The following CREB5 variants were observed in gnomAD, a reference collection of about 807,000 sequenced individuals.
The protein encoded by CREB5 is cyclic AMP-responsive element-binding protein 5.
Under a neutral mutation model 57.1 loss-of-function variants are expected in CREB5, and 19 were observed. The observed-to-expected ratio is 0.33, with a 90% CI of 0.23 to 0.49. The LOEUF is 0.49. Ranked by LOEUF, CREB5 falls within the 20% of genes least tolerant of loss-of-function variation. CREB5 has a pLI of 0.99. For synonymous variants in CREB5, 238 were observed against 238.3 expected (o/e 1.00, Z 0.01); for missense variants, 579 against 671.6 (o/e 0.86, Z 1.52).
At chr7:28,511,599 C>A (rs1425478134) in intron 4 of CREB5, among the ~76,000 whole-genome samples, 1 of 152,204 alleles carries the variant, frequency 6.6e-6, no homozygotes, top group Non-Finnish European at 1.5e-5. Flanking sequence ...ATCCTCCCAC[C>A]TCAGCCTCCC....
chr7:28,384,582 C>T (rs939980002), intron 1 of CREB5, among the ~76,000 whole-genome samples: 1 of 151,560 alleles, frequency 6.6e-6, no homozygotes, highest in East Asian at 1.9e-4. Flanking sequence ...GCAGTTACCT[C>T]TCCTAATAAA....
At chr7:28,677,555 G>C (rs1184691849) in intron 5 of CREB5, among the ~76,000 whole-genome samples, 2 of 152,194 alleles carry the variant, frequency 1.3e-5, no homozygotes, top group East Asian at 1.9e-4. Context: ...TTAATACAAA[G>C]TGAGCATACT....
In CREB5 at chr7:28,819,742, G is replaced by A. The variant is rs1471203162; in HGVS notation, c.*463G>A. 1 of 153,178 alleles carries A rather than the reference G, an allele frequency of 6.5e-6. No individual in the cohort carries two copies. The highest frequency in any genetic ancestry group is 1.9e-4 in the East Asian group (1 of 5,204). 9.5% of individuals were successfully genotyped at this position (153,178 alleles called of 1,614,324 possible). A position where few individuals can be genotyped will look rare whatever the true frequency, so the allele number is the denominator to read the frequency against. ...TTGAGTTTGTGCTGTGGTGTCACCA[G>A]AATTCCAGATAAACACACAGCCTTT... On this transcript the variant is annotated 3_prime_UTR_variant, in exon 11 of 11. Transcript: ENST00000357727.
intron 5 of CREB5, 118 bp from the exon 6 acceptor site, chr7:28,718,635 C>A: frequency 7.5e-7 from 1 of 1,337,548 alleles, no homozygotes; most frequent in Non-Finnish European, 1.0e-6. Context: ...TGTGACTCTC[C>A]CATCAGTGGA....
chr7:28,688,196 T>TA (rs774548395), intron 5 of CREB5, among the ~76,000 whole-genome samples: 9 of 152,196 alleles, frequency 5.9e-5, no homozygotes, highest in Non-Finnish European at 1.0e-4. Context: ...ACAAACATGG[T>TA]AAACTTTTTA....
intron 1 of CREB5, among the ~76,000 whole-genome samples, chr7:28,466,385 T>G (rs1027781088): frequency 1.3e-5 from 2 of 151,874 alleles, no homozygotes; most frequent in African/African-American, 4.8e-5. Context: ...GTGTTGGGGG[T>G]GGTGGAAAGC....
At chr7:28,657,760 C>T (rs113568016) in intron 5 of CREB5, among the ~76,000 whole-genome samples, 25 of 148,086 alleles carry the variant, frequency 1.7e-4, no homozygotes, top group African/African-American at 5.7e-4. Context: ...CTCCAAAGCA[C>T]TATTCTAGTC....
At chr7:28,512,587 TA>T (rs5883141) in intron 4 of CREB5, among the ~76,000 whole-genome samples, 1 of 151,902 alleles carries the variant, frequency 6.6e-6, no homozygotes, top group Non-Finnish European at 1.5e-5. Context: ...TTTAATGACT[TA>T]AAAAAGAAAT....
chr7:28,334,995 C>G (rs1785794629), intron 1 of CREB5, among the ~76,000 whole-genome samples: 1 of 152,050 alleles, frequency 6.6e-6, no homozygotes, highest in African/African-American at 2.4e-5. Context: ...CACTCTCATC[C>G]AAAAGAATTC....
At chr7:28,764,312 T>C (rs1805833722) in intron 7 of CREB5, among the ~76,000 whole-genome samples, 1 of 151,916 alleles carries the variant, frequency 6.6e-6, no homozygotes, top group African/African-American at 2.4e-5. Flanking sequence ...TATACAGTTT[T>C]ACACATAAGC....
intron 1 of CREB5, among the ~76,000 whole-genome samples, chr7:28,326,060 G>A (rs917235487): frequency 1.3e-5 from 2 of 152,098 alleles, no homozygotes; most frequent in Admixed American, 1.3e-4. Context: ...ATGGCATTTA[G>A]TAACCAAGAT....
intron 4 of CREB5, among the ~76,000 whole-genome samples, chr7:28,560,861 T>C (rs1322801168): frequency 0.014 from 654 of 45,822 alleles, 60 homozygotes; most frequent in African/African-American, 0.027. Context: ...TGTGTGTGCG[T>C]GTGCCTGCGT....
intron 1 of CREB5, among the ~76,000 whole-genome samples, chr7:28,462,970 T>C (rs892342564): frequency 5.3e-5 from 8 of 152,148 alleles, no homozygotes; most frequent in Admixed American, 4.6e-4. Flanking sequence ...TACTTTTAGT[T>C]TCTTATCTAA....
At chr7:28,785,558 G>A (rs887867996) in intron 7 of CREB5, among the ~76,000 whole-genome samples, 1 of 152,194 alleles carries the variant, frequency 6.6e-6, no homozygotes, top group Non-Finnish European at 1.5e-5. Context: ...AAAACGTCAT[G>A]TCATTGCTAA....
chr7:28,353,670 C>T (rs1307270062), intron 1 of CREB5, among the ~76,000 whole-genome samples: 2 of 151,702 alleles, frequency 1.3e-5, no homozygotes, highest in African/African-American at 2.4e-5. Context: ...GGTGAAACCC[C>T]GTCTCTACTA....
At chr7:28,681,193 A>G (rs1157891806) in intron 5 of CREB5, among the ~76,000 whole-genome samples, 1 of 152,028 alleles carries the variant, frequency 6.6e-6, no homozygotes, top group Admixed American at 6.6e-5. Context: ...TTTTCTTATT[A>G]TAGGTTTTCT....
intron 5 of CREB5, among the ~76,000 whole-genome samples, chr7:28,619,820 C>T (rs1797728338): frequency 1.3e-5 from 2 of 152,144 alleles, no homozygotes; most frequent in Non-Finnish European, 1.5e-5. Context: ...TAGCACTGAA[C>T]ACAGAGCCAG....
At chr7:28,746,099 A>G (rs1405250533) in intron 7 of CREB5, among the ~76,000 whole-genome samples, 1 of 152,228 alleles carries the variant, frequency 6.6e-6, no homozygotes. Flanking sequence ...TGACTATTCA[A>G]AATGTACCAG....
chr7:28,451,412 G>T (rs1284455939), intron 1 of CREB5, among the ~76,000 whole-genome samples: 2 of 151,616 alleles, frequency 1.3e-5, no homozygotes, highest in African/African-American at 4.9e-5. Flanking sequence ...CTGGATTCTA[G>T]CCACTTTTCT....
Sources: gnomAD v4.1 joint callset for allele counts (sites outside exome capture counted in the v4.1 genomes callset) on GRCh38, gnomAD v4.1.1 for gene constraint, MANE v1.5 for transcripts, NCBI Gene and HGNC (gene_info 2026-07-23, HGNC 2026-07-21) for gene names.